The following SATL1 variants were observed in gnomAD, a reference collection of about 807,000 sequenced individuals.
SATL1 encodes the protein spermidine/spermine N1-acetyl transferase like 1.
Under a neutral mutation model 51.8 loss-of-function variants are expected in SATL1, and 47 were observed. The ratio of observed to expected loss-of-function variants is 0.91; its 90% CI spans 0.72 to 1.16. SATL1 has a LOEUF of 1.16. Among genes scored for constraint, SATL1 ranks in the 50% most tolerant of loss-of-function variants. SATL1 has a pLI of 0.00. For synonymous variants in SATL1, 176 were observed against 182.4 expected (o/e 0.97, Z 0.28); for missense variants, 520 against 526.4 (o/e 0.99, Z 0.12).
chrX:85,197,795 A>G (rs1481315608), intron 2 of SATL1, among the ~76,000 whole-genome samples: 1 of 109,517 alleles, frequency 9.1e-6, no homozygotes, highest in African/African-American at 3.3e-5. Context: ...ATGATTTCCA[A>G]TTTCATCCAT....
At chrX:85,196,814 A>G (rs1025588855) in intron 2 of SATL1, among the ~76,000 whole-genome samples, 2 of 111,817 alleles carry the variant, frequency 1.8e-5, no homozygotes, top group Non-Finnish European at 3.8e-5. Flanking sequence ...GAAACTGGAC[A>G]TCTACTTCAC....
intron 2 of SATL1, among the ~76,000 whole-genome samples, chrX:85,124,631 T>C (rs1462267379): frequency 9.0e-6 from 1 of 111,392 alleles, no homozygotes; most frequent in Non-Finnish European, 1.9e-5. Flanking sequence ...GTGTGGAGGG[T>C]AGCAAAGATC....
intron 2 of SATL1, chrX:85,211,184 A>G (rs1927914893): frequency 8.9e-6 from 1 of 112,293 alleles, no homozygotes. Flanking sequence ...AATACATTTG[A>G]TTTCAAAATC....
Position 85,092,358 on chromosome X carries a change from G to T in SATL1, c.*33C>A. The T allele has an allele frequency of 8.7e-7, 1 of 1,144,176 alleles. No homozygotes were observed. Among genetic ancestry groups the T allele is most frequent in the Non-Finnish European group, 1.2e-6 (1 of 861,830 alleles). 94.3% of individuals were successfully genotyped at this position (1,144,176 alleles called of 1,213,427 possible). On this transcript the variant is annotated 3_prime_UTR_variant, in exon 8 of 8. Coordinates refer to ENST00000644105, the MANE Select transcript of SATL1 (RefSeq NM_001367857.2). ...CTCAGGTGACAGTCAAATGTTGGAGGCTGTGTTGGGATGAGTTGTTACAAA... is the reference window on the plus strand; with the variant it reads ...CTCAGGTGACAGTCAAATGTTGGAGTCTGTGTTGGGATGAGTTGTTACAAA...
chrX:85,165,227 G>C (rs1251918814), intron 2 of SATL1, among the ~76,000 whole-genome samples: 1 of 111,011 alleles, frequency 9.0e-6, no homozygotes, highest in Non-Finnish European at 1.9e-5. Context: ...TGGCGGCTTT[G>C]TTCATTATTT....
intron 2 of SATL1, chrX:85,118,319 T>C (rs899577239): frequency 1.8e-5 from 2 of 109,758 alleles, no homozygotes; most frequent in Non-Finnish European, 3.8e-5. Context: ...TCCCCAATAC[T>C]TTAGTTAAAG....
In SATL1 at chrX:85,103,882, T is replaced by C. The variant is rs770186935; in HGVS notation, c.1675A>G (p.Met559Val). ...ACCTTACCAGCTGCTGTTAACTCCA[T>C]TGCATCTAGCATGTTTTCACAGGCA... ...LAACENMLDA[M>V]ELTAADLLRD... Residue 559 changes from methionine to valine, a missense_variant, in exon 4 of 8, where the codon ATG becomes GTG. Met to Val is a conservative substitution (Grantham distance 21). Coordinates refer to ENST00000644105, the MANE Select transcript of SATL1 (RefSeq NM_001367857.2). 1 of 1,196,552 alleles carries C rather than the reference T, an allele frequency of 8.4e-7. No individual in the cohort carries two copies. Among genetic ancestry groups the C allele is most frequent in the South Asian group, 1.8e-5 (1 of 56,601 alleles).
intron 2 of SATL1, among the ~76,000 whole-genome samples, chrX:85,168,132 C>T (rs1926888049): frequency 9.0e-6 from 1 of 110,534 alleles, no homozygotes; most frequent in Non-Finnish European, 1.9e-5. Flanking sequence ...AAGAATATAC[C>T]TCAAAATAAT....
intron 2 of SATL1, among the ~76,000 whole-genome samples, chrX:85,128,916 T>C (rs1273189645): frequency 8.9e-6 from 1 of 112,230 alleles, no homozygotes; most frequent in Non-Finnish European, 1.9e-5. Context: ...CCTTTCCCCA[T>C]TTCTTATTTT....
At chrX:85,127,720 T>G (rs148565993) in intron 2 of SATL1, among the ~76,000 whole-genome samples, 1,310 of 111,326 alleles carry the variant, frequency 0.012, 27 homozygotes, top group African/African-American at 0.041. Context: ...TATGTATACA[T>G]GTGCCATGTT....
chrX:85,134,614 G>GTAAAGA (rs1160662902), intron 2 of SATL1, among the ~76,000 whole-genome samples: 187 of 112,055 alleles, frequency 1.7e-3, no homozygotes, highest in Non-Finnish European at 2.2e-3. Context: ...CTATCTCAAA[G>GTAAAGA]TAAAGATCAA....
chrX:85,126,279 T>G (rs964175837), intron 2 of SATL1, among the ~76,000 whole-genome samples: 19 of 111,563 alleles, frequency 1.7e-4, no homozygotes, highest in African/African-American at 6.2e-4. Flanking sequence ...TTTCCTACTT[T>G]GTCAGTCCTT....
intron 7 of SATL1, chrX:85,092,798 G>A (rs1924566945): frequency 2.9e-6 from 1 of 349,975 alleles, no homozygotes; most frequent in Admixed American, 5.0e-5. Context: ...TTATCATACA[G>A]AAAAGGTGTA....
chrX:85,093,414 A>G, intron 6 of SATL1, 189 bp from the exon 7 acceptor site: 1 of 414,900 alleles, frequency 2.4e-6, no homozygotes, highest in Non-Finnish European at 4.1e-6. Flanking sequence ...CAAAGGTCAT[A>G]GAAGAGTTTG....
At position 85,197,418 on chromosome X, in the gene SATL1, C is replaced by G. The variant is rs113720627; in HGVS notation, c.-313+26787G>C. ...ACCCTTTTAGTTATTTTTAAAAGTA[C>G]AATAAATGATTGTTGGCTGTAGTCA... On this transcript the variant is annotated intron_variant, in intron 2 of 7. Coordinates refer to ENST00000644105, the MANE Select transcript of SATL1 (RefSeq NM_001367857.2). Among the ~76,000 whole-genome samples, 1,107 of 110,824 alleles carry G rather than the reference C, an allele frequency of 1.0e-2. 16 individuals are homozygous for G. Among genetic ancestry groups the G allele is most frequent in the African/African-American group, 0.034 (1,051 of 30,527 alleles).
chrX:85,203,857 G>A (rs752386837), intron 2 of SATL1, among the ~76,000 whole-genome samples: 6 of 112,618 alleles, frequency 5.3e-5, no homozygotes, highest in African/African-American at 1.9e-4. Flanking sequence ...CTTATCTTGC[G>A]TAGTGCCGTG....
At chrX:85,150,370 G>T (rs1048406750) in intron 2 of SATL1, among the ~76,000 whole-genome samples, 2 of 109,768 alleles carry the variant, frequency 1.8e-5, no homozygotes, top group Non-Finnish European at 3.8e-5. Context: ...ATTCACAGCC[G>T]AATTCTACCA....
chrX:85,234,683 A>G (rs979507100), intron 1 of SATL1, among the ~76,000 whole-genome samples: 3 of 105,220 alleles, frequency 2.9e-5, no homozygotes, highest in Admixed American at 9.9e-5. Flanking sequence ...CCTCATGTTA[A>G]CCTCAAATCA....
At chrX:85,132,825 G>A (rs758321467) in intron 2 of SATL1, among the ~76,000 whole-genome samples, 108 of 112,080 alleles carry the variant, frequency 9.6e-4, no homozygotes, top group African/African-American at 3.2e-3. Flanking sequence ...GTGACCTACA[G>A]ATGGAGTTTT....
Sources: gnomAD v4.1 joint callset for allele counts (sites outside exome capture counted in the v4.1 genomes callset) on GRCh38, gnomAD v4.1.1 for gene constraint, MANE v1.5 for transcripts, NCBI Gene and HGNC (gene_info 2026-07-23, HGNC 2026-07-21) for gene names.